Variants in ME1 observed in about 807,000 individuals in gnomAD.
ME1 encodes the protein malic enzyme 1.
A neutral mutation model predicts 66.4 loss-of-function variants in ME1; 74 were observed. The ratio of observed to expected loss-of-function variants is 1.11; its 90% confidence interval spans 0.92 to 1.35. ME1 has a LOEUF of 1.35. ME1 is among the 40% of genes most tolerant of loss of function. The pLI, the probability that ME1 is intolerant of heterozygous loss-of-function variation, is 0.00. For synonymous variants in ME1, 251 were observed against 235.6 expected (o/e 1.07, Z -0.60); for missense variants, 750 against 694.1 (o/e 1.08, Z -0.90).
At chr6:83,324,373 C>T (rs536375994) in intron 5 of ME1, among the ~76,000 whole-genome samples, 12 of 151,186 alleles carry the variant, frequency 7.9e-5, no homozygotes, top group South Asian at 6.3e-4. Flanking sequence ...CATGAAAAAC[C>T]CTTAAAAAAA....
intron 9 of ME1, among the ~76,000 whole-genome samples, chr6:83,230,135 T>TTTG (rs371189967): frequency 3.0e-4 from 46 of 151,810 alleles, no homozygotes; most frequent in South Asian, 1.3e-3. Context: ...TCTGTTTTTT[T>TTTG]TTGTTGTTGT....
At chr6:83,315,917 T>C (rs1159591521) in intron 5 of ME1, among the ~76,000 whole-genome samples, 5 of 151,684 alleles carry the variant, frequency 3.3e-5, no homozygotes, top group African/African-American at 4.8e-5. Context: ...GATAAATAAA[T>C]AAATAAGAAA....
intron 1 of ME1, among the ~76,000 whole-genome samples, chr6:83,420,265 A>G (rs147947263): frequency 1.3e-5 from 2 of 152,186 alleles, no homozygotes; most frequent in East Asian, 3.9e-4. Context: ...ATGGAATTTC[A>G]CCATGTTGGC....
chr6:83,211,857 C>A lies in ME1; in HGVS notation c.*67G>T. On this transcript the variant is annotated 3_prime_UTR_variant, in exon 14 of 14. Transcript: ENST00000369705. ...GTCTTATGAATCATTATAAAAGATTCCAACCTTTAAAAATTATGAAAGGTT... is the reference window on the plus strand; with the variant it reads ...GTCTTATGAATCATTATAAAAGATTACAACCTTTAAAAATTATGAAAGGTT... 4 of 1,103,656 alleles carry A rather than the reference C, an allele frequency of 3.6e-6. No individual in the cohort carries two copies. The highest frequency in any genetic ancestry group is 4.9e-6 in the Non-Finnish European group (4 of 819,418). 68.4% of individuals were successfully genotyped at this position (1,103,656 alleles called of 1,614,324 possible).
intron 5 of ME1, among the ~76,000 whole-genome samples, chr6:83,333,647 G>A (rs1221955402): frequency 1.3e-5 from 2 of 152,068 alleles, no homozygotes; most frequent in Non-Finnish European, 2.9e-5. Flanking sequence ...ATATGTTGGA[G>A]CATTTCTATC....
chr6:83,429,327 C>T (rs540312620), intron 1 of ME1, among the ~76,000 whole-genome samples: 1 of 152,206 alleles, frequency 6.6e-6, no homozygotes, highest in East Asian at 1.9e-4. Flanking sequence ...ATTACTCTTG[C>T]TCAGGGATTG....
intron 6 of ME1, among the ~76,000 whole-genome samples, chr6:83,307,519 G>A (rs1767848965): frequency 6.6e-6 from 1 of 152,084 alleles, no homozygotes; most frequent in Admixed American, 6.6e-5. Context: ...AATTTCTTAT[G>A]AAAAGCAAAG....
chr6:83,356,529 G>A (rs1768893835), intron 3 of ME1, among the ~76,000 whole-genome samples: 1 of 152,112 alleles, frequency 6.6e-6, no homozygotes, highest in African/African-American at 2.4e-5. Flanking sequence ...GGAAAGAAGA[G>A]AAGGCCAAGG....
rs150122434 is a variant in ME1, at chr6:83,407,140, T to C, written c.212+628A>G. Among the ~76,000 whole-genome samples, 1,047 of 152,152 alleles carry C rather than the reference T, an allele frequency of 6.9e-3. 8 individuals are homozygous for C. Among genetic ancestry groups the C allele is most frequent in the African/African-American group, 0.024 (977 of 41,514 alleles). On this transcript the variant is annotated intron_variant, in intron 2 of 13. Transcript: ENST00000369705. ...AATAGCTGTTGTTCTCTCTAATCCA[T>C]GGATGAAAAAAACTAAGGTCTACAA... is the stretch of plus-strand genomic sequence containing the variant.
At chr6:83,344,992 A>T (rs896624315) in intron 5 of ME1, among the ~76,000 whole-genome samples, 4 of 151,954 alleles carry the variant, frequency 2.6e-5, no homozygotes, top group Admixed American at 2.0e-4. Flanking sequence ...AAATATATTT[A>T]TTTTATTTTA....
chr6:83,274,825 C>T (rs1767146777), intron 6 of ME1, among the ~76,000 whole-genome samples: 1 of 152,196 alleles, frequency 6.6e-6, no homozygotes, highest in African/African-American at 2.4e-5. Context: ...CACGTCACTT[C>T]TTTTCTGCTA....
chr6:83,401,997 C>A (rs1769849280), intron 2 of ME1, among the ~76,000 whole-genome samples: 1 of 152,018 alleles, frequency 6.6e-6, no homozygotes, highest in Admixed American at 6.5e-5. Flanking sequence ...CATGGACTTA[C>A]AAAATGCCTT....
At chr6:83,229,945 C>T (rs141835909) in intron 9 of ME1, among the ~76,000 whole-genome samples, 73 of 152,238 alleles carry the variant, frequency 4.8e-4, no homozygotes, top group African/African-American at 1.6e-3. Flanking sequence ...ACCTAAGCCT[C>T]TCTAGTAGCT....
rs148245461 is a variant in ME1 at position 83,358,582 on chromosome 6, T to A, written c.363-6443A>T. 7.5e-3 allele frequency among the ~76,000 whole-genome samples: 1,146 copies of A among 152,248 alleles called. 12 individuals carry two copies. The highest frequency in any genetic ancestry group is 0.026 in the African/African-American group (1,070 of 41,500). On this transcript the variant is annotated intron_variant, in intron 3 of 13. Coordinates refer to ENST00000369705, the MANE Select transcript of ME1 (RefSeq NM_002395.6). ...AAGGTGCATGCACAGCCTTGCCAGG[T>A]GTCTACTGTTAAAGTGAGGGCATCG...
At chr6:83,421,188 A>G (rs557136700) in intron 1 of ME1, among the ~76,000 whole-genome samples, 1 of 152,336 alleles carries the variant, frequency 6.6e-6, no homozygotes, top group East Asian at 1.9e-4. Context: ...TAAATTATGT[A>G]TAGAGTTTTT....
At chr6:83,355,154 C>T (rs764213989) in intron 3 of ME1, among the ~76,000 whole-genome samples, 48 of 152,224 alleles carry the variant, frequency 3.2e-4, no homozygotes, top group Admixed American at 9.8e-4. Flanking sequence ...CCTATAAAAT[C>T]AGCAGGATCT....
intron 12 of ME1, among the ~76,000 whole-genome samples, chr6:83,219,900 T>C (rs1463119242): frequency 6.6e-6 from 1 of 151,996 alleles, no homozygotes; most frequent in African/African-American, 2.4e-5. Context: ...CTATTTTGTT[T>C]TAAAAAAGAA....
intron 3 of ME1, among the ~76,000 whole-genome samples, chr6:83,378,084 AT>A (rs34171541): frequency 4.0e-5 from 6 of 151,854 alleles, no homozygotes; most frequent in African/African-American, 1.2e-4. Context: ...GGGTCAGATT[AT>A]TTTTTTTAAA....
chr6:83,296,691 T>C (rs1026065766), intron 6 of ME1, among the ~76,000 whole-genome samples: 1 of 152,020 alleles, frequency 6.6e-6, no homozygotes, highest in African/African-American at 2.4e-5. Flanking sequence ...GAGAAAGAAA[T>C]AAAGGCATCC....
Sources: gnomAD v4.1 joint callset for allele counts (sites outside exome capture counted in the v4.1 genomes callset) on GRCh38, gnomAD v4.1.1 for gene constraint, MANE v1.5 for transcripts, NCBI Gene and HGNC (gene_info 2026-07-23, HGNC 2026-07-21) for gene names.